LYG2: variants seen among roughly 807,000 people sequenced by gnomAD.
The protein encoded by LYG2 is lysozyme g2.
Under a neutral mutation model 22.4 loss-of-function variants are expected in LYG2, and 25 were observed. That is an observed-to-expected ratio of 1.12 (90% CI 0.81 to 1.56). The LOEUF (loss-of-function observed/expected upper bound fraction) is 1.56, where lower values mean the gene tolerates loss of function less well. Among genes scored for constraint, LYG2 ranks in the 40% most tolerant of loss-of-function variants. The pLI is 0.00. For synonymous variants in LYG2, 88 were observed against 97.0 expected (o/e 0.91, Z 0.55); for missense variants, 266 against 269.5 (o/e 0.99, Z 0.09).
At chr2:99,250,014 T>A (rs1386533488) in intron 3 of LYG2, among the ~76,000 whole-genome samples, 1 of 152,114 alleles carries the variant, frequency 6.6e-6, no homozygotes, top group Non-Finnish European at 1.5e-5. Flanking sequence ...GCCAAGTCCA[T>A]CCTGCAGCCT....
intron 3 of LYG2, among the ~76,000 whole-genome samples, chr2:99,249,915 A>G (rs2094023174): frequency 6.6e-6 from 1 of 152,024 alleles, no homozygotes; most frequent in South Asian, 2.1e-4. Flanking sequence ...TCTACTTAGT[A>G]GACGGAGTGG....
At chr2:99,249,761 CA>C (rs70940156) in intron 3 of LYG2, among the ~76,000 whole-genome samples, 32,831 of 65,820 alleles carry the variant, frequency 0.5, 5,216 homozygotes, top group Middle Eastern at 0.62. Flanking sequence ...AACTCTGTCT[CA>C]AAAAAAAAAA....
upstream of LYG2, among the ~76,000 whole-genome samples, chr2:99,256,428 G>A (rs1045561028): frequency 6.6e-6 from 1 of 152,198 alleles, no homozygotes; most frequent in Non-Finnish European, 1.5e-5. Flanking sequence ...TATTGCAGGA[G>A]TCTAACTGCC....
intron 6 of LYG2, 35 bp downstream of exon 6, chr2:99,243,964 G>T (rs1446743057): frequency 6.2e-7 from 1 of 1,612,960 alleles, no homozygotes; most frequent in African/African-American, 1.3e-5. Context: ...CTCATTCATT[G>T]CTCATTTAAA....
upstream of LYG2, among the ~76,000 whole-genome samples, chr2:99,260,599 G>A (rs896046893): frequency 6.6e-6 from 1 of 152,230 alleles, no homozygotes; most frequent in Non-Finnish European, 1.5e-5. Context: ...AGTATCTGGA[G>A]AAGGACTTGT....
At chr2:99,244,244 C>T in intron 5 of LYG2, 107 bp from the exon 6 acceptor site, 1 of 1,073,644 alleles carries the variant, frequency 9.3e-7, no homozygotes, top group Non-Finnish European at 1.3e-6. Context: ...CGGCCTTTAT[C>T]CCCAAAGAGT....
At chr2:99,253,756 A>G (rs1445647108) in intron 3 of LYG2, among the ~76,000 whole-genome samples, 1 of 152,120 alleles carries the variant, frequency 6.6e-6, no homozygotes, top group Admixed American at 6.5e-5. Context: ...TTCAATTGAC[A>G]TGTCCCCCCC....
In LYG2 at chr2:99,246,764, G is replaced by T. The variant is rs138652579; in HGVS notation, c.100C>A (p.Arg34Ser). ...TCCCCATAGCAGCCGTGGTACAGGCGTGGATGTAGGTGAGGCTTCATTGAG... is the reference window on the plus strand; with the variant it reads ...TCCCCATAGCAGCCGTGGTACAGGCTTGGATGTAGGTGAGGCTTCATTGAG... ...SHSMKPHLHP[R>S]LYHGCYGDIM... Residue 34 changes from arginine to serine, a missense_variant, in exon 4 of 7, where the codon CGC becomes AGC. Physicochemically the swap from Arg to Ser is moderately radical, Grantham distance 110. Transcript: ENST00000333017. 3.3e-5 allele frequency: 54 copies of T among 1,614,006 alleles called. No homozygotes were observed. The highest frequency in any genetic ancestry group is 4.4e-5 in the Non-Finnish European group (52 of 1,179,992).
intron 3 of LYG2, among the ~76,000 whole-genome samples, chr2:99,248,833 A>G (rs1479493331): frequency 1.3e-5 from 2 of 151,904 alleles, no homozygotes; most frequent in African/African-American, 2.4e-5. Flanking sequence ...GGGCACCATA[A>G]CAATTTAAAT....
intron 6 of LYG2, 73 bp from the exon 7 acceptor site, chr2:99,242,555 TG>T: frequency 9.8e-7 from 1 of 1,017,294 alleles, no homozygotes; most frequent in Non-Finnish European, 1.5e-6. Flanking sequence ...ATTGCCAAGA[TG>T]TTAGCTTTCC....
intron 5 of LYG2, 62 bp from the exon 6 acceptor site, chr2:99,244,199 C>G: frequency 6.5e-7 from 1 of 1,529,158 alleles, no homozygotes; most frequent in South Asian, 1.2e-5. Flanking sequence ...TCTGCCATTC[C>G]TAATTTCCTC....
upstream of LYG2, among the ~76,000 whole-genome samples, chr2:99,257,747 G>A (rs1425485286): frequency 6.6e-6 from 1 of 152,166 alleles, no homozygotes; most frequent in African/African-American, 2.4e-5. Flanking sequence ...AGCTTCTGGG[G>A]AGTCCTAACA....
intron 4 of LYG2, among the ~76,000 whole-genome samples, chr2:99,246,354 C>G (rs1014064784): frequency 2.6e-5 from 4 of 152,164 alleles, no homozygotes; most frequent in Non-Finnish European, 4.4e-5. Context: ...GACTTTGGAA[C>G]AGTATTGCTT....
At chr2:99,257,085 C>A (rs2094037697), upstream of LYG2, among the ~76,000 whole-genome samples, 2 of 152,198 alleles carry the variant, frequency 1.3e-5, no homozygotes, top group South Asian at 4.1e-4. Context: ...GCACGATGGA[C>A]AAATGCCTCT....
Position 99,242,385 on chromosome 2 carries a change from G to T in LYG2, c.618C>A (p.Phe206Leu), listed in dbSNP as rs1275151744. ...TTGCCTAGAAGCTTTGTCTTTTATA[G>T]AACTTAGCTCGAGCAATGATATCAT... ...FVNDIIARAK[F>L]YKRQSF The change falls in exon 7 of 7, where the codon TTC becomes TTA. Residue 206 changes from phenylalanine to leucine, a missense_variant. Transcript: ENST00000333017. 5.0e-6 allele frequency: 8 copies of T among 1,612,276 alleles called. No individual in the cohort carries two copies. The Admixed American group carries it at 1.3e-4, about 27-fold the overall frequency.
At chr2:99,244,249 A>C in intron 5 of LYG2, 112 bp from the exon 6 acceptor site, 1 of 1,026,250 alleles carries the variant, frequency 9.7e-7, no homozygotes, top group Non-Finnish European at 1.4e-6. Flanking sequence ...TTTATCCCCA[A>C]AGAGTCAATT....
chr2:99,246,655 G>C, intron 4 of LYG2, 25 bp downstream of exon 4: 1 of 1,601,336 alleles, frequency 6.2e-7, no homozygotes, highest in Non-Finnish European at 8.5e-7. Context: ...GGGGAAGCCA[G>C]TCATTTGCTC....
intron 4 of LYG2, 101 bp downstream of exon 4, chr2:99,246,579 A>AT: frequency 6.6e-6 from 9 of 1,354,616 alleles, no homozygotes; most frequent in Non-Finnish European, 8.1e-6. Flanking sequence ...TACTATTGTC[A>AT]TAATGATGAT....
chr2:99,243,302 G>A, intron 6 of LYG2: 2 of 775,816 alleles, frequency 2.6e-6, no homozygotes, highest in South Asian at 4.0e-5. Flanking sequence ...ATAGTGGGAA[G>A]TTAGTGAGTT....
Sources: allele counts gnomAD v4.1 joint callset (sites outside exome capture counted in the v4.1 genomes callset), GRCh38; gene constraint gnomAD v4.1.1; transcripts MANE v1.5; gene names NCBI Gene and HGNC (gene_info 2026-07-23, HGNC 2026-07-21).